ATG13: variants seen among roughly 807,000 people sequenced by gnomAD.
ATG13 encodes the protein autophagy related 13, also known as autophagy-related protein 13.
ATG13 carries 23 observed loss-of-function variants against 65.5 expected under a neutral mutation model. The ratio of observed to expected loss-of-function variants is 0.35; its 90% CI spans 0.25 to 0.50. The LOEUF is 0.50. Ranked by LOEUF, ATG13 falls within the 20% of genes least tolerant of loss-of-function variation. ATG13 has a pLI of 0.98. For missense variants in ATG13, 566 were observed against 677.0 expected, an observed-to-expected ratio of 0.84 and a Z score of 1.82; for synonymous variants, 252 against 245.2, an observed-to-expected ratio of 1.03 and a Z score of -0.26.
At chr11:46,622,643 G>A (rs2048122565) in intron 1 of ATG13, among the ~76,000 whole-genome samples, 2 of 152,124 alleles carry the variant, frequency 1.3e-5, no homozygotes, top group South Asian at 4.1e-4. Context: ...GGTGTCTGCT[G>A]AATCAAAGGG....
At chr11:46,641,760 A>ATT (rs56660832) in intron 2 of ATG13, among the ~76,000 whole-genome samples, 2,624 of 144,114 alleles carry the variant, frequency 0.018, 76 homozygotes, top group African/African-American at 0.059. Flanking sequence ...GTTATACCTG[A>ATT]TTTTTTTTTT....
chr11:46,640,018 T>C (rs1035016397), intron 2 of ATG13, among the ~76,000 whole-genome samples: 8 of 152,058 alleles, frequency 5.3e-5, no homozygotes, highest in Non-Finnish European at 7.4e-5. Flanking sequence ...TTTTTATATT[T>C]TTTTTTCCTA....
Position 46,659,473 on chromosome 11 carries a change from C to T in ATG13, c.777C>T (p.Ser259=). 6.2e-7 allele frequency: 1 copy of T among 1,613,316 alleles called. No individual in the cohort carries two copies. Among genetic ancestry groups the T allele is most frequent in the South Asian group, 1.1e-5 (1 of 91,064 alleles). ...QEVCTTSFST[S]PPSQCVFTVT... is the part of the protein sequence containing the mutation. ...TGTGTACCACCTCTTTTTCCACCTCCCCACCATCCCAGGTAGGGGGAAGCA... is the reference window on the plus strand; with the variant it reads ...TGTGTACCACCTCTTTTTCCACCTCTCCACCATCCCAGGTAGGGGGAAGCA... The change falls in exon 11 of 19, where the codon TCC becomes TCT. Residue 259 remains serine, a synonymous_variant. Transcript: ENST00000683050.
chr11:46,625,642 G>C (rs2049304560), intron 1 of ATG13, among the ~76,000 whole-genome samples: 2 of 152,134 alleles, frequency 1.3e-5, no homozygotes, highest in South Asian at 4.1e-4. Flanking sequence ...GGCAAAACAG[G>C]TTATGGAAAC....
rs764017386 is a variant in ATG13, at chr11:46,668,823, A to G, written c.1359A>G (p.Glu453=). Residue 453 remains glutamate (E), a synonymous_variant, in exon 17 of 19, where the codon GAA becomes GAG. Coordinates refer to ENST00000683050, the MANE Select transcript of ATG13 (RefSeq NM_001346311.2). ...MVNPPDSPET[E]SPLQGSLHSD... is the part of the protein sequence containing the mutation. ...ATCCTCCAGATTCCCCAGAGACTGA[A>G]TCTCCTCTCCAGGGCAGCCTGCACT... 12 of 1,613,744 alleles carry G rather than the reference A, an allele frequency of 7.4e-6. No individual in the cohort carries two copies. The highest frequency in any genetic ancestry group is 2.7e-5 in the African/African-American group (2 of 74,906).
intron 7 of ATG13, among the ~76,000 whole-genome samples, chr11:46,651,148 C>T (rs958226930): frequency 5.9e-5 from 9 of 151,988 alleles, no homozygotes; most frequent in African/African-American, 2.2e-4. Flanking sequence ...TATACAGAGG[C>T]CCAGCATTAG....
rs780310558 is a variant in ATG13, at chr11:46,674,139, AG to A, written c.*1808del. On this transcript the variant is annotated 3_prime_UTR_variant, in exon 19 of 19. Transcript: ENST00000683050. ...TAAGTTATTGATGCCCCCATATTTC[AG>A]CTACTGCTCTCTTTCCAAGGCCTTG... The A allele has an allele frequency of 3.3e-5, 5 of 152,210 alleles. No homozygotes were observed. Among genetic ancestry groups the A allele is most frequent in the African/African-American group, 4.8e-5 (2 of 41,426 alleles). The allele number at this position is 152,210 out of a possible 1,614,324, so 9.4% of individuals were successfully genotyped here. A position where few individuals can be genotyped will look rare whatever the true frequency, so the allele number is the denominator to read the frequency against.
intron 18 of ATG13, 88 bp downstream of exon 18, chr11:46,669,620 C>G (rs2063239802): frequency 6.9e-7 from 1 of 1,453,870 alleles, no homozygotes; most frequent in Admixed American, 2.0e-5. Flanking sequence ...CACCTTCTAT[C>G]TTCCCTGTAA....
At chr11:46,648,777 TAA>T (rs540301936) in intron 5 of ATG13, 240 of 118,790 alleles carry the variant, frequency 2.0e-3, no homozygotes, top group South Asian at 4.4e-3. Context: ...ACTCTGTCTT[TAA>T]AAAAAAAAAA....
chr11:46,665,514 C>T lies in ATG13; in HGVS notation c.1131C>T (p.Ser377=), dbSNP rs2062109187. The change falls in exon 14 of 19, where the codon TCC becomes TCT. Residue 377 remains serine, a synonymous_variant. Transcript: ENST00000683050. ...GAACCCACTGTGCTGCCACACCCTC[C>T]AGTAGGTGAGTTCACATTTTGGCTC... ...SDRTHCAATP[S]SSEDTETVSN... The T allele has an allele frequency of 1.2e-6, 2 of 1,614,130 alleles. No individual in the cohort carries two copies. The highest frequency in any genetic ancestry group is 8.5e-7 in the Non-Finnish European group (1 of 1,179,956).
At chr11:46,650,950 A>G (rs192666680) in intron 7 of ATG13, among the ~76,000 whole-genome samples, 209 of 152,328 alleles carry the variant, frequency 1.4e-3, no homozygotes, top group Admixed American at 2.6e-3. Flanking sequence ...AAGATTCCAC[A>G]GTTTTCTGTA....
At chr11:46,647,311 A>G (rs1267438824) in intron 5 of ATG13, among the ~76,000 whole-genome samples, 2 of 136,918 alleles carry the variant, frequency 1.5e-5, no homozygotes, top group African/African-American at 2.7e-5. Flanking sequence ...TTTTTGAGAC[A>G]GAGTCGCGTA....
At chr11:46,662,945 G>A (rs2061481603) in intron 11 of ATG13, among the ~76,000 whole-genome samples, 1 of 152,114 alleles carries the variant, frequency 6.6e-6, no homozygotes, top group Non-Finnish European at 1.5e-5. Flanking sequence ...CTAGTTCTAA[G>A]CATTAATTAG....
At chr11:46,634,486 C>T (rs1385936148) in intron 2 of ATG13, among the ~76,000 whole-genome samples, 1 of 146,162 alleles carries the variant, frequency 6.8e-6, no homozygotes, top group Non-Finnish European at 1.5e-5. Context: ...GCACCTCCGC[C>T]TCCCGGGTTC....
chr11:46,644,133 T>A, intron 2 of ATG13, 146 bp from the exon 3 acceptor site: 2 of 513,900 alleles, frequency 3.9e-6, no homozygotes, highest in Non-Finnish European at 3.3e-6. Flanking sequence ...TTTTTCACTT[T>A]GGTATCTTTA....
At position 46,617,901 on chromosome 11, in the gene ATG13, T is replaced by C. The variant is rs746865621; in HGVS notation, c.-70+11T>C. The C allele has an allele frequency of 1.0e-5, 4 of 398,916 alleles. No homozygotes were observed. The highest frequency in any genetic ancestry group is 1.8e-5 in the Non-Finnish European group (4 of 226,092). The allele number at this position is 398,916 out of a possible 1,614,324, so 24.7% of individuals were successfully genotyped here. A position where few individuals can be genotyped will look rare whatever the true frequency, so the allele number is the denominator to read the frequency against. Reference sequence around the variant, plus strand: ...GCCGCAGCTTCGCAGGTACTAACTTTTGCGGGGGATACCCCAAGATCTCTC... The same window carrying C: ...GCCGCAGCTTCGCAGGTACTAACTTCTGCGGGGGATACCCCAAGATCTCTC... On this transcript the variant is annotated intron_variant, in intron 1 of 18. Coordinates refer to ENST00000683050, the MANE Select transcript of ATG13 (RefSeq NM_001346311.2).
intron 1 of ATG13, among the ~76,000 whole-genome samples, chr11:46,624,010 A>ATT (rs1364999019): frequency 2.8e-5 from 4 of 143,924 alleles, no homozygotes; most frequent in African/African-American, 7.6e-5. Context: ...AAATTCAGGA[A>ATT]TTTTTTTTTT....
At chr11:46,661,183 A>T (rs948947376) in intron 11 of ATG13, among the ~76,000 whole-genome samples, 3 of 152,112 alleles carry the variant, frequency 2.0e-5, no homozygotes, top group African/African-American at 7.2e-5. Context: ...AAAATTAAAA[A>T]ATTTTTTCCA....
chr11:46,664,604 T>C (rs375539330), intron 12 of ATG13, among the ~76,000 whole-genome samples: 1 of 152,192 alleles, frequency 6.6e-6, no homozygotes, highest in African/African-American at 2.4e-5. Context: ...AAGGAACTTA[T>C]TTGAGGCCTT....
Sources: allele counts gnomAD v4.1 joint callset (sites outside exome capture counted in the v4.1 genomes callset), GRCh38; gene constraint gnomAD v4.1.1; transcripts MANE v1.5; gene names NCBI Gene and HGNC (gene_info 2026-07-23, HGNC 2026-07-21).